SMARCB1: variants seen among roughly 807,000 people sequenced by gnomAD.
SMARCB1 encodes SWI/SNF-related matrix-associated actin-dependent regulator of chromatin subfamily B member 1.
Under a neutral mutation model 49.0 loss-of-function variants are expected in SMARCB1, and 5 were observed. The ratio of observed to expected loss-of-function variants is 0.10; its 90% CI spans 0.05 to 0.21. The LOEUF (loss-of-function observed/expected upper bound fraction) is 0.21. Ranked by LOEUF, SMARCB1 falls within the 10% of genes least tolerant of loss-of-function variation. SMARCB1 has a pLI of 1.00. For synonymous variants in SMARCB1, 201 were observed against 200.1 expected, an observed-to-expected ratio of 1.00 and a Z score of -0.04; for missense variants, 226 against 509.2, an observed-to-expected ratio of 0.44 and a Z score of 5.35.
chr22:23,825,197 A>G (rs762220738), intron 6 of SMARCB1, 28 bp from the exon 7 acceptor site: 7 of 1,610,242 alleles, frequency 4.3e-6, no homozygotes, highest in African/African-American at 1.3e-5. Flanking sequence ...CAAAAGCTCT[A>G]ACTTGTGTCC....
chr22:23,812,891 G>A (rs1393171548), intron 5 of SMARCB1, among the ~76,000 whole-genome samples: 1 of 141,010 alleles, frequency 7.1e-6, no homozygotes, highest in Non-Finnish European at 1.5e-5. Context: ...TTTAGACGGA[G>A]TATTGCTCTG....
At chr22:23,833,811 C>T in intron 8 of SMARCB1, 108 bp downstream of exon 8, 1 of 1,303,702 alleles carries the variant, frequency 7.7e-7, no homozygotes, top group South Asian at 1.2e-5. Flanking sequence ...AGACAGAGTA[C>T]CTCTAGTGCT....
chr22:23,806,542 A>G (rs185637016), intron 5 of SMARCB1, among the ~76,000 whole-genome samples: 3 of 152,222 alleles, frequency 2.0e-5, no homozygotes, highest in South Asian at 2.1e-4. Flanking sequence ...AAAGGTGGGC[A>G]TGAGAGTCTT....
chr22:23,794,663 C>T (rs1440380696), intron 3 of SMARCB1, among the ~76,000 whole-genome samples: 3 of 152,166 alleles, frequency 2.0e-5, no homozygotes, highest in Non-Finnish European at 2.9e-5. Context: ...GTTTGGGAGG[C>T]CGAGGTGGGC....
Position 23,807,798 on chromosome 22 carries a change from C to CTT in SMARCB1, c.628+4389_628+4390dup, listed in dbSNP as rs71184913. On this transcript the variant is annotated intron_variant, in intron 5 of 8. Transcript: ENST00000644036. ...AATGGTGGTAGATTTCTTTTTTTTTCTTTTTTTTTTTTTTGAGATGGAGTC... is the reference window on the plus strand; with the variant it reads ...AATGGTGGTAGATTTCTTTTTTTTTCTTTTTTTTTTTTTTTTGAGATGGAGTC... Among the ~76,000 whole-genome samples, 448 of 132,654 alleles carry CTT rather than the reference C, an allele frequency of 3.4e-3. 5 individuals are homozygous for CTT. Among genetic ancestry groups the CTT allele is most frequent in the Admixed American group, 0.011 (134 of 12,456 alleles). 87.0% of individuals were successfully genotyped at this position (132,654 alleles called of 152,430 possible).
At chr22:23,796,553 C>T (rs1928759897) in intron 3 of SMARCB1, among the ~76,000 whole-genome samples, 1 of 152,154 alleles carries the variant, frequency 6.6e-6, no homozygotes, top group South Asian at 2.1e-4. Flanking sequence ...TTATGATTCC[C>T]CTGAAAGGTG....
intron 5 of SMARCB1, among the ~76,000 whole-genome samples, chr22:23,813,265 G>A (rs1033017544): frequency 3.3e-5 from 5 of 152,220 alleles, no homozygotes; most frequent in Non-Finnish European, 7.3e-5. Context: ...TCAACATAGT[G>A]TTGGAAGTTC....
chr22:23,804,468 A>G (rs2145985139), intron 5 of SMARCB1: 1 of 152,348 alleles, frequency 6.6e-6, no homozygotes, highest in East Asian at 1.9e-4. Context: ...ACATGCAAAC[A>G]TATTTAACAT....
At position 23,834,731 on chromosome 22, in the gene SMARCB1, C is replaced by T; in HGVS notation, c.*551C>T. 1 of 1,465,174 alleles carries T rather than the reference C, an allele frequency of 6.8e-7. No homozygotes were observed. Among genetic ancestry groups the T allele is most frequent in the East Asian group, 2.4e-5 (1 of 42,156 alleles). The allele number at this position is 1,465,174 out of a possible 1,614,324, so 90.8% of individuals were successfully genotyped here. A position where few individuals can be genotyped will look rare whatever the true frequency, so the allele number is the denominator to read the frequency against. ...AGCTCCCCTCAGCCTGTTCTCCTTC[C>T]AGACCCAGAGAGCTGAGAAGAGTAG... On this transcript the variant is annotated 3_prime_UTR_variant, in exon 9 of 9. Transcript: ENST00000644036.
intron 1 of SMARCB1, among the ~76,000 whole-genome samples, chr22:23,791,331 C>G (rs1723724570): frequency 6.6e-6 from 1 of 152,226 alleles, no homozygotes; most frequent in African/African-American, 2.4e-5. Context: ...GGGAAATTAT[C>G]TGGCATCTGT....
chr22:23,806,761 A>G (rs1929521428), intron 5 of SMARCB1, among the ~76,000 whole-genome samples: 1 of 152,012 alleles, frequency 6.6e-6, no homozygotes, highest in Non-Finnish European at 1.5e-5. Flanking sequence ...CTCTCTACTA[A>G]AAATATAAAA....
chr22:23,822,999 G>T (rs9608197), intron 6 of SMARCB1: 26,130 of 44,582 alleles, frequency 0.59, 8,039 homozygotes, highest in Middle Eastern at 0.72. Flanking sequence ...TTTTTTTTTT[G>T]ACACAGAGTC....
chr22:23,803,132 G>T, intron 4 of SMARCB1, 163 bp from the exon 5 acceptor site: 1 of 866,042 alleles, frequency 1.2e-6, no homozygotes, highest in Non-Finnish European at 1.9e-6. Flanking sequence ...CCGTGGCCCC[G>T]GGACCCCTGC....
Position 23,787,333 on chromosome 22 carries a change from G to A in SMARCB1, c.93+71G>A, listed in dbSNP as rs1331619106. 1.5e-5 allele frequency: 14 copies of A among 918,380 alleles called. No individual in the cohort carries two copies. The African/African-American group carries it at 1.6e-4, about 10-fold the overall frequency. The allele number at this position is 918,380 out of a possible 1,614,324, so 56.9% of individuals were successfully genotyped here. On this transcript the variant is annotated intron_variant, in intron 1 of 8. Transcript: ENST00000644036. ...GAGCCCCGGGGCGGGCCCATGCGCC[G>A]AGAGCGCGCGTCTCCATTCATCGGG...
intron 5 of SMARCB1, among the ~76,000 whole-genome samples, chr22:23,807,995 G>T (rs979237846): frequency 7.4e-6 from 1 of 134,798 alleles, no homozygotes. Flanking sequence ...GGAGTCTGTC[G>T]CTCAGGCTGG....
chr22:23,831,589 C>T (rs2030658878), intron 7 of SMARCB1, among the ~76,000 whole-genome samples: 1 of 152,200 alleles, frequency 6.6e-6, no homozygotes, highest in South Asian at 2.1e-4. Flanking sequence ...CCCGTTCTTA[C>T]ATGGTTGGTG....
In SMARCB1 at chr22:23,787,269, C is replaced by T. The variant is rs369557828; in HGVS notation, c.93+7C>T. On this transcript the variant is annotated splice_region_variant and intron_variant, in intron 1 of 8. Coordinates refer to ENST00000644036, the MANE Select transcript of SMARCB1 (RefSeq NM_003073.5). ...CTACATGATCGGCTCCGAGGTAGCC[C>T]GGGGCGCGTTCTCGCCCTCCCCGGG... The T allele has an allele frequency of 3.1e-5, 49 of 1,567,500 alleles. No homozygotes were observed. In the African/African-American group the frequency reaches 5.1e-4, roughly 16 times the overall value.
chr22:23,828,162 C>G (rs755541169), intron 7 of SMARCB1, among the ~76,000 whole-genome samples: 19 of 152,134 alleles, frequency 1.2e-4, no homozygotes, highest in Non-Finnish European at 2.2e-4. Flanking sequence ...ACGCCATTCT[C>G]CTGCCTCAGG....
chr22:23,796,371 T>G (rs1928746463), intron 3 of SMARCB1, among the ~76,000 whole-genome samples: 1 of 148,560 alleles, frequency 6.7e-6, no homozygotes, highest in African/African-American at 2.6e-5. Context: ...TTAAGTAGAT[T>G]CTGCAGTGAC....
Sources: gnomAD v4.1 joint callset for allele counts (sites outside exome capture counted in the v4.1 genomes callset) on GRCh38, gnomAD v4.1.1 for gene constraint, MANE v1.5 for transcripts, NCBI Gene and HGNC (gene_info 2026-07-23, HGNC 2026-07-21) for gene names.